The following NR1I2 variants were observed in gnomAD, a reference collection of about 807,000 sequenced individuals.
NR1I2 encodes orphan nuclear receptor PAR1.
In NR1I2, 42 loss-of-function variants were observed where a neutral mutation model predicts 43.3. The ratio of observed to expected loss-of-function variants is 0.97; its 90% CI spans 0.76 to 1.26. NR1I2 has a LOEUF of 1.26. Ranked by LOEUF, NR1I2 falls within the 50% of genes most tolerant of loss-of-function variation. The pLI, the probability that NR1I2 is intolerant of heterozygous loss-of-function variation, is 0.00. For missense variants in NR1I2, 559 were observed against 566.7 expected (o/e 0.99, Z 0.14); for synonymous variants, 229 against 215.0 (o/e 1.06, Z -0.57).
intron 4 of NR1I2, among the ~76,000 whole-genome samples, chr3:119,811,961 T>C (rs1410635281): frequency 5.9e-5 from 9 of 152,122 alleles, no homozygotes; most frequent in Non-Finnish European, 1.3e-4. Flanking sequence ...GATTTTCAGG[T>C]CACCTCAGAT....
At chr3:119,789,625 A>G (rs2054890455) in intron 1 of NR1I2, among the ~76,000 whole-genome samples, 1 of 152,182 alleles carries the variant, frequency 6.6e-6, no homozygotes, top group South Asian at 2.1e-4. Context: ...GACACAGCCA[A>G]ACCATATCAA....
chr3:119,817,035 G>C (rs779902604), intron 8 of NR1I2, 33 bp from the exon 9 acceptor site: 2 of 1,613,830 alleles, frequency 1.2e-6, no homozygotes, highest in South Asian at 2.2e-5. Flanking sequence ...AGGGCGGGCT[G>C]CACCCACAAT....
rs572043537 is a variant in NR1I2, at chr3:119,798,831, T to C, written c.-22-8398T>C. Among the ~76,000 whole-genome samples, 21 of 152,276 alleles carry C rather than the reference T, an allele frequency of 1.4e-4. No individual in the cohort carries two copies. In the South Asian group the frequency reaches 3.1e-3, roughly 23 times the overall value. ...GGGTATACTTCTTTCACTTAGAATGTTTTCAAGGTTCATCTGTGCTGTAGC... is the reference window on the plus strand; with the variant it reads ...GGGTATACTTCTTTCACTTAGAATGCTTTCAAGGTTCATCTGTGCTGTAGC... On this transcript the variant is annotated intron_variant, in intron 1 of 8. Transcript: ENST00000393716.
rs375785850 is a variant in NR1I2, at chr3:119,807,357, G to A, written c.107G>A (p.Gly36Glu). ...AGTGTCAACGCAGATGAGGAAGTCG[G>A]AGGTCCCCAAATCTGCCGTGTATGT... Residue 36 changes from glycine (G) to glutamate (E), a missense_variant, in exon 2 of 9, where the codon GGA (glycine) becomes GAA (glutamate). This residue lies in a region of NR1I2 where 232 missense variants were observed against 236.6 expected (regional missense o/e 0.98). Coordinates refer to ENST00000393716, the MANE Select transcript of NR1I2 (RefSeq NM_003889.4). The A allele has an allele frequency of 5.0e-6, 8 of 1,614,206 alleles. No individual in the cohort carries two copies. In the African/African-American group the frequency reaches 1.1e-4, roughly 22 times the overall value.
At chr3:119,805,127 A>G (rs981198921) in intron 1 of NR1I2, among the ~76,000 whole-genome samples, 7 of 152,062 alleles carry the variant, frequency 4.6e-5, no homozygotes, top group Non-Finnish European at 1.0e-4. Context: ...TGCTTGGTCA[A>G]TTTTATGGTC....
intron 2 of NR1I2, 55 bp downstream of exon 2, chr3:119,807,502 G>C (rs1464603): frequency 6.7e-7 from 1 of 1,484,248 alleles, no homozygotes. Context: ...ACTGGGTAAC[G>C]TCTCAGGGCC....
chr3:119,814,849 A>T (rs1399691988), intron 5 of NR1I2, 130 bp from the exon 6 acceptor site: 1 of 1,143,088 alleles, frequency 8.7e-7, no homozygotes, highest in African/African-American at 1.5e-5. Context: ...AGCCACAGTC[A>T]TCCTCAGGGA....
intron 1 of NR1I2, among the ~76,000 whole-genome samples, chr3:119,788,682 C>T (rs4566573): frequency 0.52 from 78,796 of 152,078 alleles, 22,576 homozygotes; most frequent in East Asian, 0.78. Flanking sequence ...AAATGATCCT[C>T]CTGTTTCAGC....
Position 119,807,329 on chromosome 3 carries a change from C to T in NR1I2, c.79C>T (p.Pro27Ser), listed in dbSNP as rs12721613. 7.0e-3 allele frequency: 11,229 copies of T among 1,614,172 alleles called. 615 individuals are homozygous for T. In the African/African-American group the frequency reaches 0.12, roughly 18 times the overall value. The change falls in exon 2 of 9, where the codon CCC becomes TCC. Residue 27 changes from proline to serine, a missense_variant. Around this residue, in one of 3 missense-constraint regions of NR1I2, gnomAD observed 232 missense variants for 236.6 expected, o/e 0.98. Coordinates refer to ENST00000393716, the MANE Select transcript of NR1I2 (RefSeq NM_003889.4). ...GGACACAGAGTCTGTTCCTGGAAAG[C>T]CCAGTGTCAACGCAGATGAGGAAGT...
intron 1 of NR1I2, among the ~76,000 whole-genome samples, chr3:119,795,739 C>A (rs1207653375): frequency 6.6e-6 from 1 of 152,212 alleles, no homozygotes; most frequent in African/African-American, 2.4e-5. Flanking sequence ...AAACTATATC[C>A]CACCACGCCC....
chr3:119,812,999 A>G, intron 5 of NR1I2, 39 bp downstream of exon 5: 1 of 1,606,096 alleles, frequency 6.2e-7, no homozygotes, highest in Admixed American at 1.7e-5. Flanking sequence ...GTGGAAAAGA[A>G]CTGGAAGTGG....
intron 1 of NR1I2, chr3:119,792,386 T>C: frequency 7.4e-7 from 1 of 1,348,482 alleles, no homozygotes; most frequent in East Asian, 2.3e-5. Context: ...AACAGGTGGC[T>C]CAGCAGGATG....
In NR1I2 at chr3:119,807,291, T is replaced by A. The variant is rs2055174651; in HGVS notation, c.41T>A (p.Phe14Tyr). 6.2e-7 allele frequency: 1 copy of A among 1,614,096 alleles called. No homozygotes were observed. ...AAAGAAAGCTGGAACCATGCTGACTTTGTACACTGTGAGGACACAGAGTCT... is the reference window on the plus strand; with the variant it reads ...AAAGAAAGCTGGAACCATGCTGACTATGTACACTGTGAGGACACAGAGTCT... The change falls in exon 2 of 9, where the codon TTT becomes TAT. Residue 14 changes from phenylalanine (F) to tyrosine (Y), a missense_variant. Coordinates refer to ENST00000393716, the MANE Select transcript of NR1I2 (RefSeq NM_003889.4).
intron 8 of NR1I2, among the ~76,000 whole-genome samples, chr3:119,816,218 T>C (rs1029358086): frequency 6.6e-6 from 1 of 152,212 alleles, no homozygotes; most frequent in Non-Finnish European, 1.5e-5. Flanking sequence ...GCTTTCTTTT[T>C]GGCTTGGTGT....
rs78897142 is a variant in NR1I2, at chr3:119,803,054, C to T, written c.-22-4175C>T. 7.0e-4 allele frequency: 302 copies of T among 431,736 alleles called. 5 individuals are homozygous for T. In the East Asian group the frequency reaches 0.017, roughly 24 times the overall value. The allele number at this position is 431,736 out of a possible 1,614,324, so 26.7% of individuals were successfully genotyped here. A position where few individuals can be genotyped will look rare whatever the true frequency, so the allele number is the denominator to read the frequency against. The stretch of plus-strand genomic sequence containing the variant: ...TCCTCATGAATGAGACCCCAGAGGC[C>T]GGGTGTGGTGGCTCATGCCTGTAAT... On this transcript the variant is annotated intron_variant, in intron 1 of 8. Transcript: ENST00000393716.
intron 7 of NR1I2, 47 bp downstream of exon 7, chr3:119,815,486 G>T (rs1276290142): frequency 6.8e-7 from 1 of 1,471,500 alleles, no homozygotes; most frequent in South Asian, 1.1e-5. Context: ...AGCCTTATCT[G>T]CCCTCCCCAG....
chr3:119,787,763 GTGTGTGTATATATA>G (rs2054863568), intron 1 of NR1I2, among the ~76,000 whole-genome samples: 8 of 150,762 alleles, frequency 5.3e-5, no homozygotes, highest in Non-Finnish European at 1.0e-4. Context: ...TTAATTATGC[GTGTGTGTATATATA>G]TGTGTGTATA....
rs2055358147 is a variant in NR1I2 at position 119,818,343 on chromosome 3, C to T, written c.*1131C>T. 2.0e-6 allele frequency: 2 copies of T among 985,404 alleles called. No homozygotes were observed. Among genetic ancestry groups the T allele is most frequent in the Non-Finnish European group, 1.2e-6 (1 of 829,924 alleles). 61.0% of individuals were successfully genotyped at this position (985,404 alleles called of 1,614,324 possible). A position where few individuals can be genotyped will look rare whatever the true frequency, so the allele number is the denominator to read the frequency against. ...AAAGTGCCTGCCTTGTTTATAGCCA[C>T]TTGTGAGTAAAAATTTTTTTGCATT... is the stretch of plus-strand genomic sequence containing the variant. On this transcript the variant is annotated 3_prime_UTR_variant, in exon 9 of 9. Transcript: ENST00000393716.
intron 5 of NR1I2, 93 bp from the exon 6 acceptor site, chr3:119,814,885 CG>C: frequency 1.3e-6 from 2 of 1,515,906 alleles, no homozygotes; most frequent in Non-Finnish European, 9.1e-7. Context: ...CTCTTCCTCT[CG>C]CCCCCAACTT....
Sources: gnomAD v4.1 joint callset for allele counts (sites outside exome capture counted in the v4.1 genomes callset) on GRCh38, gnomAD v4.1.1 for gene constraint, gnomAD v4.1.1 regional missense constraint, MANE v1.5 for transcripts, NCBI Gene and HGNC (gene_info 2026-07-23, HGNC 2026-07-21) for gene names.